Variants in SLC37A3 observed in about 807,000 individuals in gnomAD.
The protein encoded by SLC37A3 is sugar phosphate exchanger 3.
A neutral mutation model predicts 67.1 loss-of-function variants in SLC37A3; 51 were observed. That is an observed-to-expected ratio of 0.76 (90% CI 0.61 to 0.96). SLC37A3 has a LOEUF of 0.96. Among genes scored for constraint, SLC37A3 ranks in the 40% least tolerant of loss-of-function variants. The pLI is 0.00. For synonymous variants in SLC37A3, 214 were observed against 231.4 expected (o/e 0.92, Z 0.68); for missense variants, 508 against 603.0 (o/e 0.84, Z 1.65).
intron 9 of SLC37A3, among the ~76,000 whole-genome samples, chr7:140,350,860 A>G (rs1796764998): frequency 6.6e-6 from 1 of 152,198 alleles, no homozygotes; most frequent in Non-Finnish European, 1.5e-5. Context: ...ATTCTATAAT[A>G]CTTCGAAAGG....
intron 1 of SLC37A3, among the ~76,000 whole-genome samples, chr7:140,390,605 C>T (rs1798689593): frequency 1.3e-5 from 2 of 152,222 alleles, no homozygotes; most frequent in African/African-American, 4.8e-5. Flanking sequence ...GACTGATCTC[C>T]CTCGCACTCC....
chr7:140,379,839 A>T (rs1225857492), intron 3 of SLC37A3: 3 of 150,718 alleles, frequency 2.0e-5, no homozygotes, highest in African/African-American at 7.3e-5. Flanking sequence ...GGTTGCAGAG[A>T]TGTTTTCTGA....
chr7:140,337,318 C>T lies in SLC37A3; in HGVS notation c.1358G>A (p.Gly453Glu). Reference sequence around the variant, plus strand: ...GAAAAAGTAGAAAACCCACATCCATCCTAGCTTGTCCCGGATCAGAGACAC... The same window carrying T: ...GAAAAAGTAGAAAACCCACATCCATTCTAGCTTGTCCCGGATCAGAGACAC... Reference protein sequence around the residue: ...YLVSLIRDKLGWMWVFYFFIL... With the variant: ...YLVSLIRDKLEWMWVFYFFIL... The change falls in exon 14 of 15, where the codon GGA becomes GAA. Residue 453 changes from glycine to glutamate, a missense_variant. By Grantham distance (98) the Gly-to-Glu change is moderately conservative. Transcript: ENST00000326232. The T allele has an allele frequency of 6.2e-7, 1 of 1,601,536 alleles. No individual in the cohort carries two copies. Among genetic ancestry groups the T allele is most frequent in the Non-Finnish European group, 8.5e-7 (1 of 1,174,656 alleles).
At chr7:140,380,663 G>C (rs1426665543) in intron 2 of SLC37A3, among the ~76,000 whole-genome samples, 1 of 151,698 alleles carries the variant, frequency 6.6e-6, no homozygotes, top group African/African-American at 2.4e-5. Flanking sequence ...TCCCAGCCCA[G>C]CCTGAGTAGC....
intron 1 of SLC37A3, among the ~76,000 whole-genome samples, chr7:140,384,107 T>C (rs907988701): frequency 6.6e-6 from 1 of 152,182 alleles, no homozygotes; most frequent in Non-Finnish European, 1.5e-5. Context: ...CCAATCCAAA[T>C]ATACAACAAT....
intron 3 of SLC37A3, among the ~76,000 whole-genome samples, chr7:140,377,067 CCAAGAAGCTGGG>C (rs1459131157): frequency 3.9e-5 from 6 of 151,976 alleles, no homozygotes; most frequent in East Asian, 1.9e-4. Flanking sequence ...CCTCAGCCTC[CCAAGAAGCTGGG>C]ACTACAGGCA....
At chr7:140,337,253 C>CTTTTT in intron 14 of SLC37A3, 31 bp downstream of exon 14, 1 of 1,305,366 alleles carries the variant, frequency 7.7e-7, no homozygotes, top group Non-Finnish European at 1.0e-6. Context: ...AGAAAAATGA[C>CTTTTT]TTTTTTTTTT....
chr7:140,376,500 G>T (rs776283914), intron 3 of SLC37A3, among the ~76,000 whole-genome samples: 24 of 152,260 alleles, frequency 1.6e-4, no homozygotes, highest in Admixed American at 1.1e-3. Context: ...GTGCTGGGGG[G>T]ACTATATAAG....
intron 1 of SLC37A3, among the ~76,000 whole-genome samples, chr7:140,391,680 A>G (rs1162767630): frequency 6.6e-6 from 1 of 152,236 alleles, no homozygotes; most frequent in Non-Finnish European, 1.5e-5. Context: ...ACTAAAAAGA[A>G]TAAGCAGATA....
intron 8 of SLC37A3, chr7:140,351,855 G>T: frequency 1.5e-6 from 1 of 660,994 alleles, no homozygotes; most frequent in Non-Finnish European, 2.7e-6. Flanking sequence ...TATAAAAGAC[G>T]TGCATCACTC....
chr7:140,337,700 T>G, intron 13 of SLC37A3: 1 of 170,390 alleles, frequency 5.9e-6, no homozygotes, highest in Non-Finnish European at 1.2e-5. Flanking sequence ...AAATAGTTTG[T>G]CTTTAAGTAT....
In SLC37A3 at chr7:140,335,459, T is replaced by C; in HGVS notation, c.1438A>G (p.Ile480Val). 6.2e-7 allele frequency: 1 copy of C among 1,614,182 alleles called. No homozygotes were observed. The highest frequency in any genetic ancestry group is 1.3e-5 in the African/African-American group (1 of 75,050). The stretch of plus-strand genomic sequence containing the variant: ...TGTCTCCTTAGCACGAGAGAGAATA[T>C]TTCCCTCACTATTAATGGCGAGATA... ...VFISPLIVRE[I>V]FSLVLRRQAH... The change falls in exon 15 of 15, where the codon ATA becomes GTA. Residue 480 changes from isoleucine (I) to valine (V), a missense_variant. Ile to Val is a conservative substitution (Grantham distance 29, BLOSUM62 3). Transcript: ENST00000326232.
chr7:140,350,600 T>C (rs186916833), intron 9 of SLC37A3, among the ~76,000 whole-genome samples: 229 of 152,012 alleles, frequency 1.5e-3, no homozygotes, highest in Middle Eastern at 0.01. Flanking sequence ...CTGTCTCTAC[T>C]AAAAATACAA....
chr7:140,358,349 A>G (rs186063184), intron 6 of SLC37A3, among the ~76,000 whole-genome samples: 1 of 152,322 alleles, frequency 6.6e-6, no homozygotes, highest in East Asian at 1.9e-4. Context: ...TTCTATAAAG[A>G]AACGATGAGT....
intron 5 of SLC37A3, among the ~76,000 whole-genome samples, chr7:140,363,233 C>T (rs1797439980): frequency 1.2e-5 from 1 of 86,040 alleles, no homozygotes; most frequent in Admixed American, 1.1e-4. Flanking sequence ...ATGACAATGG[C>T]GGTTTTGTGG....
chr7:140,366,859 G>T (rs1481231569), intron 4 of SLC37A3, among the ~76,000 whole-genome samples: 3 of 152,164 alleles, frequency 2.0e-5, no homozygotes, highest in African/African-American at 7.2e-5. Flanking sequence ...AATAGGCTGG[G>T]CGCAGTGGCT....
chr7:140,361,547 C>T (rs1247501393), intron 5 of SLC37A3, among the ~76,000 whole-genome samples: 4 of 123,920 alleles, frequency 3.2e-5, no homozygotes, highest in Admixed American at 8.5e-5. Flanking sequence ...CTCTCCCTCT[C>T]CGTCTCCCTC....
chr7:140,361,674 G>C (rs1013634683), intron 5 of SLC37A3, among the ~76,000 whole-genome samples: 6 of 150,206 alleles, frequency 4.0e-5, no homozygotes, highest in South Asian at 2.1e-4. Flanking sequence ...TCAGCCTGCC[G>C]AGTGCCTGCG....
chr7:140,385,557 T>C (rs913423062), intron 1 of SLC37A3, among the ~76,000 whole-genome samples: 1 of 152,196 alleles, frequency 6.6e-6, no homozygotes, highest in African/African-American at 2.4e-5. Flanking sequence ...TGTAAAATCA[T>C]AATTCCAAAA....
Sources: gnomAD v4.1 joint callset for allele counts (sites outside exome capture counted in the v4.1 genomes callset) on GRCh38, gnomAD v4.1.1 for gene constraint, MANE v1.5 for transcripts, NCBI Gene and HGNC (gene_info 2026-07-23, HGNC 2026-07-21) for gene names.